Variants in BCORL1 observed in about 807,000 individuals in gnomAD.
BCORL1 encodes BCL6 corepressor like 1, also known as BCL-6 corepressor-like protein 1.
BCORL1 carries 7 observed loss-of-function variants against 87.6 expected under a neutral mutation model. The ratio of observed to expected loss-of-function variants is 0.08; its 90% CI spans 0.05 to 0.15. The LOEUF is 0.15. BCORL1 is among the 10% of genes least tolerant of loss of function. BCORL1 has a pLI of 1.00. For missense variants in BCORL1, 1,215 were observed against 1,499.7 expected, an observed-to-expected ratio of 0.81 and a Z score of 3.13; for synonymous variants, 591 against 634.4, an observed-to-expected ratio of 0.93 and a Z score of 1.03.
intron 2 of BCORL1, among the ~76,000 whole-genome samples, chrX:130,011,002 TAAAAAAAAAA>T (rs1186630415): frequency 5.2e-5 from 1 of 19,095 alleles, no homozygotes; most frequent in South Asian, 0.013. Flanking sequence ...AGATTCAATC[TAAAAAAAAAA>T]AAAAAAAAAA....
At chrX:129,993,752 T>A (rs1219277674) in intron 1 of BCORL1, among the ~76,000 whole-genome samples, 1 of 112,464 alleles carries the variant, frequency 8.9e-6, no homozygotes, top group African/African-American at 3.2e-5. Context: ...ATTCTTGGAA[T>A]AGATTACGTA....
intron 1 of BCORL1, among the ~76,000 whole-genome samples, chrX:129,983,579 CGGCGG>C (rs1926316386): frequency 9.5e-6 from 1 of 104,718 alleles, no homozygotes; most frequent in Non-Finnish European, 2.0e-5. Flanking sequence ...CCCTAGGTGG[CGGCGG>C]GGCCTGGGTT....
chrX:130,011,002 T>TAAAAAA (rs1186630415), intron 2 of BCORL1, among the ~76,000 whole-genome samples: 14 of 19,092 alleles, frequency 7.3e-4, no homozygotes, highest in Admixed American at 1.2e-3. Context: ...AGATTCAATC[T>TAAAAAA]AAAAAAAAAA....
intron 4 of BCORL1, among the ~76,000 whole-genome samples, chrX:130,017,649 T>A (rs1929537869): frequency 1.8e-5 from 2 of 108,759 alleles, no homozygotes; most frequent in African/African-American, 3.3e-5. Context: ...TCTTTTTGTT[T>A]TTTTTTTTTT....
chrX:129,990,496 G>T (rs1219487031), intron 1 of BCORL1, among the ~76,000 whole-genome samples: 2 of 111,776 alleles, frequency 1.8e-5, no homozygotes, highest in Non-Finnish European at 3.8e-5. Flanking sequence ...CTCCCAAAGT[G>T]CTGGGATTAC....
chrX:129,990,165 A>T (rs1278104261), intron 1 of BCORL1, among the ~76,000 whole-genome samples: 4 of 112,261 alleles, frequency 3.6e-5, no homozygotes, highest in Non-Finnish European at 3.8e-5. Flanking sequence ...TGTGAGGATT[A>T]CACAAAATCA....
chrX:130,018,031 A>G (rs775569522), intron 4 of BCORL1, among the ~76,000 whole-genome samples: 2 of 112,177 alleles, frequency 1.8e-5, no homozygotes, highest in African/African-American at 6.5e-5. Flanking sequence ...GGCAATGGGA[A>G]TACCTCTTCA....
chrX:130,020,103 G>A (rs1236180302), intron 4 of BCORL1, among the ~76,000 whole-genome samples: 2 of 112,230 alleles, frequency 1.8e-5, no homozygotes, highest in Non-Finnish European at 3.8e-5. Flanking sequence ...TGGGGGCCAG[G>A]ACCCCCGGGT....
chrX:130,028,909 TCAGAGGAGGCAGGAGGGGGG>T, intron 8 of BCORL1, 48 bp downstream of exon 8: 1 of 138,711 alleles, frequency 7.2e-6, no homozygotes, highest in Non-Finnish European at 1.4e-5. Flanking sequence ...TGGCGGGGGG[TCAGAGGAGGCAGGAGGGGGG>T]TGGGGGATGG....
At position 130,013,912 on chromosome X, in the gene BCORL1, G is replaced by A. The variant is rs1438195623; in HGVS notation, c.1140G>A (p.Pro380=). ...TCATCCCCGCCTTTGCTCCTACACC[G>A]GTGCCTGCACCCACCCCAGCCCCCA... The part of the protein sequence containing the change: ...PTLIPAFAPT[P]VPAPTPAPIF... The change falls in exon 4 of 14, where the codon CCG becomes CCA. Residue 380 remains proline, a synonymous_variant. Coordinates refer to ENST00000540052, the MANE Select transcript of BCORL1 (RefSeq NM_001379451.1). 1.1e-5 allele frequency: 12 copies of A among 1,074,642 alleles called. No homozygotes were observed. The highest frequency in any genetic ancestry group is 7.4e-5 in the East Asian group (2 of 27,052). The allele number at this position is 1,074,642 out of a possible 1,213,427, so 88.6% of individuals were successfully genotyped here.
At chrX:130,016,809 T>C (rs779018876) in intron 4 of BCORL1, among the ~76,000 whole-genome samples, 1 of 110,956 alleles carries the variant, frequency 9.0e-6, no homozygotes, top group East Asian at 2.8e-4. Context: ...GCAAGGCAGG[T>C]TGGGTGTCTG....
chrX:130,028,500 T>C (rs1930376611), intron 7 of BCORL1, 135 bp from the exon 8 acceptor site: 2 of 533,224 alleles, frequency 3.8e-6, no homozygotes, highest in South Asian at 2.9e-5. Flanking sequence ...GCACTAGATA[T>C]CGATAGCTGA....
chrX:129,987,471 C>A (rs1353103246), intron 1 of BCORL1, among the ~76,000 whole-genome samples: 1 of 111,734 alleles, frequency 8.9e-6, no homozygotes, highest in Non-Finnish European at 1.9e-5. Flanking sequence ...CCAGGCCTTA[C>A]ACATCTAAAC....
chrX:130,052,461 G>C (rs1205426081), intron 13 of BCORL1, among the ~76,000 whole-genome samples: 1 of 112,732 alleles, frequency 8.9e-6, no homozygotes, highest in East Asian at 2.8e-4. Flanking sequence ...TCTCAGTGCT[G>C]TAATGTTAGT....
In BCORL1 at chrX:130,039,261, A is replaced by G. The variant is rs770141114; in HGVS notation, c.4819A>G (p.Thr1607Ala). Reference protein sequence around the residue: ...QTAMKLASSDTMKRFLSDHLS... With the variant: ...QTAMKLASSDAMKRFLSDHLS... ...AGCCATGAAGCTGGCCAGCAGCGAC[A>G]CCATGAAGCGCTTTCTCAGTGGTAA... Residue 1607 changes from threonine (T) to alanine (A), a missense_variant, in exon 11 of 14, where the codon ACC becomes GCC. Coordinates refer to ENST00000540052, the MANE Select transcript of BCORL1 (RefSeq NM_001379451.1). The G allele has an allele frequency of 9.9e-6, 12 of 1,209,927 alleles. No homozygotes were observed. In the South Asian group the frequency reaches 1.9e-4, roughly 20 times the overall value.
At chrX:130,005,428 A>G in intron 2 of BCORL1, 111 bp downstream of exon 2, 1 of 684,544 alleles carries the variant, frequency 1.5e-6, no homozygotes, top group Non-Finnish European at 2.3e-6. Context: ...GGAGGAGAAG[A>G]CTCTTAGTTG....
intron 8 of BCORL1, among the ~76,000 whole-genome samples, chrX:130,032,574 G>A (rs1307338380): frequency 9.0e-6 from 1 of 110,853 alleles, no homozygotes; most frequent in Admixed American, 9.6e-5. Context: ...ATGAAGATCA[G>A]GGGATCACTG....
intron 6 of BCORL1, among the ~76,000 whole-genome samples, chrX:130,023,511 C>G (rs771977615): frequency 6.9e-4 from 77 of 112,173 alleles, no homozygotes; most frequent in African/African-American, 2.4e-3. Flanking sequence ...CTGCTAGCCT[C>G]CACACTGGTA....
Position 130,013,825 on chromosome X carries a change from C to T in BCORL1, c.1053C>T (p.Ala351=), listed in dbSNP as rs1177899553. ...MPASTPPAAP[A]PPSVPMPTPT... ...CATCCACGCCTCCAGCGGCCCCTGC[C>T]CCTCCGTCTGTGCCCATGCCCACTC... The change falls in exon 4 of 14, where the codon GCC becomes GCT. Residue 351 remains alanine (A), a synonymous_variant. Transcript: ENST00000540052. 2.6e-6 allele frequency: 3 copies of T among 1,166,777 alleles called. No homozygotes were observed. Among genetic ancestry groups the T allele is most frequent in the African/African-American group, 1.8e-5 (1 of 55,623 alleles).
Sources: gnomAD v4.1 joint callset for allele counts (sites outside exome capture counted in the v4.1 genomes callset) on GRCh38, gnomAD v4.1.1 for gene constraint, MANE v1.5 for transcripts, NCBI Gene and HGNC (gene_info 2026-07-23, HGNC 2026-07-21) for gene names.